The following EPC2 variants were observed in gnomAD, a reference collection of about 807,000 sequenced individuals.
EPC2 encodes the protein enhancer of polycomb 2, also known as enhancer of polycomb homolog 2.
In EPC2, 14 loss-of-function variants were observed where a neutral mutation model predicts 92.1. The ratio of observed to expected loss-of-function variants is 0.15; its 90% CI spans 0.10 to 0.24. The LOEUF (loss-of-function observed/expected upper bound fraction) is 0.24. EPC2 is among the 10% of genes least tolerant of loss of function. The pLI is 1.00. For synonymous variants in EPC2, 340 were observed against 334.7 expected (o/e 1.02, Z -0.17); for missense variants, 755 against 971.5 (o/e 0.78, Z 2.96).
rs184048661 is a variant in EPC2 at position 148,777,035 on chromosome 2, T to C, written c.1721-4609T>C. Among the ~76,000 whole-genome samples the C allele has an allele frequency of 4.0e-3, 604 of 152,096 alleles. 3 individuals carry two copies. Among genetic ancestry groups the C allele is most frequent in the African/African-American group, 0.014 (586 of 41,480 alleles). On this transcript the variant is annotated intron_variant, in intron 10 of 13. Transcript: ENST00000258484. ...CCACCACACCCAGCTAATTTTTTTA[T>C]TTTTAGGAGAGACGGGGTTTCACCA... is the stretch of plus-strand genomic sequence containing the variant.
At chr2:148,754,221 A>G (rs1052130621) in intron 4 of EPC2, 88 bp downstream of exon 4, 2 of 1,046,486 alleles carry the variant, frequency 1.9e-6, no homozygotes, top group Admixed American at 2.8e-5. Context: ...TAATTTTAAC[A>G]TAATGGTAGC....
chr2:148,743,876 A>G (rs1682931302), intron 3 of EPC2, 109 bp downstream of exon 3: 5 of 852,970 alleles, frequency 5.9e-6, no homozygotes, highest in Non-Finnish European at 8.5e-6. Context: ...TTTTCCTGAC[A>G]TCCTGGAATT....
intron 1 of EPC2, among the ~76,000 whole-genome samples, chr2:148,668,223 A>G (rs958609596): frequency 2.6e-5 from 4 of 152,028 alleles, no homozygotes; most frequent in African/African-American, 9.7e-5. Context: ...TTTATTTTTT[A>G]AAGCTTATTA....
chr2:148,725,267 G>T (rs1682471044), intron 2 of EPC2, among the ~76,000 whole-genome samples: 1 of 151,888 alleles, frequency 6.6e-6, no homozygotes, highest in South Asian at 2.1e-4. Flanking sequence ...GAAGTTTCAA[G>T]AATAATATAA....
intron 1 of EPC2, among the ~76,000 whole-genome samples, chr2:148,648,080 AC>A (rs1683841293): frequency 6.6e-6 from 1 of 152,222 alleles, no homozygotes; most frequent in Admixed American, 6.5e-5. Context: ...TAGAGTTGAA[AC>A]CCAGAACCTC....
Position 148,644,851 on chromosome 2 carries a change from C to A in EPC2, c.-167C>A. ...GGCCGCGGGCGCGGGGGGCTGTTTT[C>A]GGGCGGGGTGGGCGCCCATGCTGTG... On this transcript the variant is annotated 5_prime_UTR_variant, in exon 1 of 14. Coordinates refer to ENST00000258484, the MANE Select transcript of EPC2 (RefSeq NM_015630.4). 1.9e-6 allele frequency: 1 copy of A among 531,764 alleles called. No individual in the cohort carries two copies. Among genetic ancestry groups the A allele is most frequent in the East Asian group, 3.7e-5 (1 of 27,108 alleles). The allele number at this position is 531,764 out of a possible 1,614,324, so 32.9% of individuals were successfully genotyped here.
At chr2:148,676,796 CTCTCTG>C (rs1334344351) in intron 1 of EPC2, among the ~76,000 whole-genome samples, 3 of 143,540 alleles carry the variant, frequency 2.1e-5, no homozygotes, top group South Asian at 2.4e-4. Context: ...CTCTCTCTCT[CTCTCTG>C]TCTCTCTTTT....
At chr2:148,774,863 G>GGATCACGAGGTCAGGAGATTGAGACCA (rs1683595905) in intron 10 of EPC2, among the ~76,000 whole-genome samples, 1 of 151,256 alleles carries the variant, frequency 6.6e-6, no homozygotes, top group Non-Finnish European at 1.5e-5. Flanking sequence ...CGAGGCAGGC[G>GGATCACGAGGTCAGGAGATTGAGACCA]GATCACGAGG....
intron 2 of EPC2, chr2:148,691,736 TTCAGTTC>T (rs1257492324): frequency 2.0e-6 from 2 of 997,328 alleles, no homozygotes; most frequent in East Asian, 5.2e-5. Flanking sequence ...CTGCTCAAGG[TTCAGTTC>T]TCAGGAAGAT....
At chr2:148,764,129 A>G (rs1457580015) in intron 6 of EPC2, among the ~76,000 whole-genome samples, 1 of 152,242 alleles carries the variant, frequency 6.6e-6, no homozygotes, top group Non-Finnish European at 1.5e-5. Context: ...CTCACTAAAT[A>G]TAATTTGCCT....
chr2:148,712,231 T>TTG (rs1385235107), intron 2 of EPC2, among the ~76,000 whole-genome samples: 1 of 151,754 alleles, frequency 6.6e-6, no homozygotes, highest in East Asian at 1.9e-4. Context: ...ATCATACTGT[T>TTG]TGTGTGTGTG....
intron 2 of EPC2, among the ~76,000 whole-genome samples, chr2:148,717,440 A>T (rs1445347446): frequency 6.6e-6 from 1 of 152,072 alleles, no homozygotes; most frequent in African/African-American, 2.4e-5. Context: ...GGTACATTGT[A>T]TCTTTGTTCT....
At chr2:148,675,913 G>C (rs1681253124) in intron 1 of EPC2, among the ~76,000 whole-genome samples, 1 of 152,158 alleles carries the variant, frequency 6.6e-6, no homozygotes, top group Non-Finnish European at 1.5e-5. Flanking sequence ...TAATTCAGTG[G>C]ATAAATCCTG....
chr2:148,677,736 T>C (rs1414474149), intron 1 of EPC2, among the ~76,000 whole-genome samples: 3 of 152,052 alleles, frequency 2.0e-5, no homozygotes, highest in Admixed American at 6.6e-5. Context: ...TTCTGGTGGG[T>C]TCGTGGTCTC....
At chr2:148,770,432 G>A (rs1199000276) in intron 8 of EPC2, among the ~76,000 whole-genome samples, 1 of 152,076 alleles carries the variant, frequency 6.6e-6, no homozygotes, top group African/African-American at 2.4e-5. Flanking sequence ...ATTCTTTCTG[G>A]TTTCTCAGTA....
At chr2:148,663,577 A>G (rs1680991145) in intron 1 of EPC2, among the ~76,000 whole-genome samples, 1 of 138,570 alleles carries the variant, frequency 7.2e-6, no homozygotes, top group African/African-American at 2.7e-5. Flanking sequence ...TTCCAGTTTT[A>G]CTATATAGAT....
intron 2 of EPC2, among the ~76,000 whole-genome samples, chr2:148,735,432 C>T (rs1682731121): frequency 6.6e-6 from 1 of 151,818 alleles, no homozygotes; most frequent in African/African-American, 2.4e-5. Context: ...ATTACCTTTT[C>T]CTATCTTTGG....
chr2:148,658,773 T>G (rs192231368), intron 1 of EPC2, among the ~76,000 whole-genome samples: 12 of 151,810 alleles, frequency 7.9e-5, no homozygotes. Context: ...GGTTATATAT[T>G]ACTTACTACT....
intron 1 of EPC2, among the ~76,000 whole-genome samples, chr2:148,676,872 TGG>T (rs70995327): frequency 7.1e-6 from 1 of 141,594 alleles, no homozygotes; most frequent in African/African-American, 2.7e-5. Context: ...CCACTTTTTT[TGG>T]GGGGGGGGTT....
Sources: gnomAD v4.1 joint callset for allele counts (sites outside exome capture counted in the v4.1 genomes callset) on GRCh38, gnomAD v4.1.1 for gene constraint, MANE v1.5 for transcripts, NCBI Gene and HGNC (gene_info 2026-07-23, HGNC 2026-07-21) for gene names.